Variants in PRKCE observed in about 807,000 individuals in gnomAD.
PRKCE encodes the protein protein kinase C epsilon type.
A neutral mutation model predicts 85.4 loss-of-function variants in PRKCE; 16 were observed. The observed-to-expected ratio is 0.19, with a 90% confidence interval of 0.13 to 0.28. PRKCE has a LOEUF of 0.28. PRKCE is among the 10% of genes least tolerant of loss of function. The probability of loss-of-function intolerance (pLI) is 1.00; values close to 1 mark genes in which losing one functional copy is unlikely to be tolerated. For missense variants in PRKCE, 573 were observed against 975.2 expected (o/e 0.59, Z 5.49); for synonymous variants, 388 against 371.5 (o/e 1.04, Z -0.51).
intron 2 of PRKCE, among the ~76,000 whole-genome samples, chr2:45,904,399 G>C (rs889091416): frequency 1.3e-5 from 2 of 152,036 alleles, no homozygotes; most frequent in African/African-American, 4.8e-5. Context: ...GAGAAGATGA[G>C]GTTTCTTAAC....
At chr2:46,019,670 T>C (rs1225102340) in intron 10 of PRKCE, among the ~76,000 whole-genome samples, 1 of 152,166 alleles carries the variant, frequency 6.6e-6, no homozygotes, top group African/African-American at 2.4e-5. Context: ...ATGGTAAAAC[T>C]GGTTTCCTTA....
chr2:46,043,925 G>A (rs186746783), intron 10 of PRKCE, among the ~76,000 whole-genome samples: 133 of 152,296 alleles, frequency 8.7e-4, no homozygotes, highest in African/African-American at 3.0e-3. Flanking sequence ...TTCTGAATGG[G>A]GAAGATCTTT....
chr2:45,782,350 G>T (rs958885378), intron 1 of PRKCE, among the ~76,000 whole-genome samples: 1 of 152,118 alleles, frequency 6.6e-6, no homozygotes, highest in Non-Finnish European at 1.5e-5. Flanking sequence ...GACAGACTTG[G>T]GTTCTAATCC....
intron 2 of PRKCE, among the ~76,000 whole-genome samples, chr2:45,961,748 T>G (rs1701395160): frequency 6.6e-6 from 1 of 151,664 alleles, no homozygotes; most frequent in Non-Finnish European, 1.5e-5. Flanking sequence ...CGGGCTGGAG[T>G]GCAATGGTGT....
At chr2:45,775,876 C>T (rs1309381594) in intron 1 of PRKCE, among the ~76,000 whole-genome samples, 2 of 152,196 alleles carry the variant, frequency 1.3e-5, no homozygotes, top group Non-Finnish European at 2.9e-5. Context: ...TTTTCTCTCC[C>T]AACTCCTCCC....
intron 6 of PRKCE, among the ~76,000 whole-genome samples, chr2:45,988,397 G>A (rs1447187329): frequency 6.6e-6 from 1 of 152,142 alleles, no homozygotes; most frequent in Non-Finnish European, 1.5e-5. Context: ...ACCCTTCTGG[G>A]GACTGTCCCT....
At chr2:46,153,518 C>A (rs1265257779) in intron 13 of PRKCE, among the ~76,000 whole-genome samples, 1 of 152,148 alleles carries the variant, frequency 6.6e-6, no homozygotes, top group African/African-American at 2.4e-5. Context: ...GCTCTTGAGT[C>A]TGGAAATGCC....
intron 2 of PRKCE, among the ~76,000 whole-genome samples, chr2:45,957,598 A>G (rs149150219): frequency 3.3e-5 from 5 of 152,300 alleles, no homozygotes; most frequent in African/African-American, 7.2e-5. Context: ...AGGATAGATA[A>G]TGAGGTCTAG....
chr2:45,687,116 A>G (rs1467552504), intron 1 of PRKCE, among the ~76,000 whole-genome samples: 1 of 152,100 alleles, frequency 6.6e-6, no homozygotes, highest in Non-Finnish European at 1.5e-5. Context: ...CAAAAACAAA[A>G]CAAAACAAGC....
Position 45,651,794 on chromosome 2 carries a change from G to C in PRKCE, c.-307G>C, listed in dbSNP as rs1675135692. On this transcript the variant is annotated 5_prime_UTR_variant, in exon 1 of 15. Transcript: ENST00000306156. Reference sequence around the variant, plus strand: ...CGAGGCAGCCCCCGCGGCTTGCAGCGGAGCCGACAGCTCGTCTTCTCTTCT... The same window carrying C: ...CGAGGCAGCCCCCGCGGCTTGCAGCCGAGCCGACAGCTCGTCTTCTCTTCT... 4.1e-6 allele frequency: 1 copy of C among 244,992 alleles called. No individual in the cohort carries two copies. The highest frequency in any genetic ancestry group is 1.5e-4 in the South Asian group (1 of 6,820). The allele number at this position is 244,992 out of a possible 1,614,324, so 15.2% of individuals were successfully genotyped here.
At chr2:46,027,695 G>A (rs1445665672) in intron 10 of PRKCE, among the ~76,000 whole-genome samples, 1 of 152,180 alleles carries the variant, frequency 6.6e-6, no homozygotes, top group African/African-American at 2.4e-5. Flanking sequence ...CACTACCTCT[G>A]TGTATCATTC....
chr2:45,795,516 G>T (rs1281574562), intron 1 of PRKCE, among the ~76,000 whole-genome samples: 1 of 152,000 alleles, frequency 6.6e-6, no homozygotes, highest in Non-Finnish European at 1.5e-5. Context: ...CATCATGTTG[G>T]CCAGGCTGGT....
chr2:45,946,647 G>T (rs1700263196), intron 2 of PRKCE, among the ~76,000 whole-genome samples: 1 of 152,212 alleles, frequency 6.6e-6, no homozygotes, highest in South Asian at 2.1e-4. Flanking sequence ...TTTTGGTGGA[G>T]TTCCATGGAG....
chr2:46,020,069 C>T (rs895801434), intron 10 of PRKCE, among the ~76,000 whole-genome samples: 2 of 151,990 alleles, frequency 1.3e-5, no homozygotes, highest in Non-Finnish European at 2.9e-5. Context: ...AGGCTGGTCT[C>T]GAACTCCTGA....
chr2:45,984,399 T>G (rs1045914771), intron 5 of PRKCE, 152 bp from the exon 6 acceptor site: 8 of 1,087,932 alleles, frequency 7.4e-6, no homozygotes, highest in Non-Finnish European at 1.1e-5. Flanking sequence ...GGAAGCTCTT[T>G]TCACCTCAGG....
chr2:45,903,838 C>G (rs1696749675), intron 2 of PRKCE, among the ~76,000 whole-genome samples: 1 of 151,662 alleles, frequency 6.6e-6, no homozygotes, highest in Non-Finnish European at 1.5e-5. Context: ...TCATATCCCC[C>G]TCAGTTTGGG....
rs550043353 is a variant in PRKCE, at chr2:46,166,358, C to A, written c.2067+6606C>A. On this transcript the variant is annotated intron_variant, in intron 14 of 14. Coordinates refer to ENST00000306156, the MANE Select transcript of PRKCE (RefSeq NM_005400.3). Reference sequence around the variant, plus strand: ...GCAGGAGCAAGGCTGAGTTCTGCAGCCCCTCACGAGGACATCCCCCTGGAC... The same window carrying A: ...GCAGGAGCAAGGCTGAGTTCTGCAGACCCTCACGAGGACATCCCCCTGGAC... 4.6e-5 allele frequency among the ~76,000 whole-genome samples: 7 copies of A among 152,362 alleles called. No individual in the cohort carries two copies. The South Asian group carries it at 1.5e-3, about 32-fold the overall frequency.
At chr2:45,974,491 G>A (rs1020630471) in intron 2 of PRKCE, among the ~76,000 whole-genome samples, 1 of 152,222 alleles carries the variant, frequency 6.6e-6, no homozygotes, top group Non-Finnish European at 1.5e-5. Context: ...ATCTGAGCCT[G>A]TGTTGAAGAT....
intron 1 of PRKCE, among the ~76,000 whole-genome samples, chr2:45,791,312 G>A (rs1462299671): frequency 1.3e-5 from 2 of 152,214 alleles, no homozygotes. Flanking sequence ...AGATGGAAAA[G>A]ACTGTAAGGC....
Sources: gnomAD v4.1 joint callset for allele counts (sites outside exome capture counted in the v4.1 genomes callset) on GRCh38, gnomAD v4.1.1 for gene constraint, MANE v1.5 for transcripts, NCBI Gene and HGNC (gene_info 2026-07-23, HGNC 2026-07-21) for gene names.